AK4: variants seen among roughly 807,000 people sequenced by gnomAD.
The protein encoded by AK4 is adenylate kinase 4, mitochondrial.
In AK4, 13 loss-of-function variants were observed where a neutral mutation model predicts 24.6. The observed-to-expected ratio is 0.53, with a 90% CI of 0.34 to 0.84. AK4 has a LOEUF of 0.84. AK4 is among the 40% of genes least tolerant of loss of function. AK4 has a pLI of 0.01. For missense variants in AK4, 192 were observed against 288.2 expected (o/e 0.67, Z 2.42); for synonymous variants, 88 against 107.0 (o/e 0.82, Z 1.10).
At chr1:65,149,386 C>T (rs1035340657) in intron 1 of AK4, among the ~76,000 whole-genome samples, 1 of 152,212 alleles carries the variant, frequency 6.6e-6, no homozygotes, top group Admixed American at 6.5e-5. Context: ...TCTCCTCCCA[C>T]TCCACGTTCA....
intron 4 of AK4, among the ~76,000 whole-genome samples, chr1:65,225,318 A>G (rs928723386): frequency 6.6e-6 from 1 of 152,146 alleles, no homozygotes; most frequent in Non-Finnish European, 1.5e-5. Context: ...AAAAATTCAA[A>G]TGGCTGCAGG....
chr1:65,212,299 A>C (rs1265140526), intron 2 of AK4, among the ~76,000 whole-genome samples: 1 of 151,262 alleles, frequency 6.6e-6, no homozygotes, highest in South Asian at 2.1e-4. Context: ...ACATTTTAGG[A>C]TTCTTTTTTT....
At chr1:65,148,578 G>C (rs1025347538) in intron 1 of AK4, 26 bp downstream of exon 1, 1 of 1,574,752 alleles carries the variant, frequency 6.4e-7, no homozygotes, top group Non-Finnish European at 8.6e-7. Context: ...GACGAGGGCC[G>C]GGGGCGAGCC....
intron 1 of AK4, among the ~76,000 whole-genome samples, chr1:65,163,683 C>T (rs999690816): frequency 6.6e-6 from 1 of 152,200 alleles, no homozygotes; most frequent in Non-Finnish European, 1.5e-5. Context: ...TTTATCAAGA[C>T]AGGAATTGCA....
chr1:65,201,483 T>C (rs1409963188), intron 2 of AK4, among the ~76,000 whole-genome samples: 3 of 152,236 alleles, frequency 2.0e-5, no homozygotes, highest in Non-Finnish European at 4.4e-5. Context: ...AAAACATATG[T>C]ATACACATAT....
At chr1:65,171,558 G>A (rs1050291201) in intron 1 of AK4, among the ~76,000 whole-genome samples, 3 of 151,724 alleles carry the variant, frequency 2.0e-5, no homozygotes, top group Non-Finnish European at 4.4e-5. Flanking sequence ...GCCCACCTCG[G>A]CCTCCCAAAG....
rs12407926 is a variant in AK4, at chr1:65,183,650, C to T, written c.146-7060C>T. Among the ~76,000 whole-genome samples, 947 of 140,822 alleles carry T rather than the reference C, an allele frequency of 6.7e-3. 10 individuals are homozygous for T. Among genetic ancestry groups the T allele is most frequent in the African/African-American group, 0.023 (869 of 38,394 alleles). 92.4% of individuals were successfully genotyped at this position (140,822 alleles called of 152,430 possible). The stretch of plus-strand genomic sequence containing the variant: ...ATGGATTTTGTGCTATATAAATATC[C>T]GTGTGTGTGTGTGTGTGTGTGTGTG... On this transcript the variant is annotated intron_variant, in intron 1 of 4. Transcript: ENST00000327299.
At chr1:65,152,406 T>A (rs1649828006) in intron 1 of AK4, among the ~76,000 whole-genome samples, 1 of 92,384 alleles carries the variant, frequency 1.1e-5, no homozygotes, top group South Asian at 4.7e-4. Context: ...TTTTTTTTTT[T>A]TTTTTTTTTT....
At chr1:65,160,251 G>C (rs1219333462) in intron 1 of AK4, among the ~76,000 whole-genome samples, 1 of 152,154 alleles carries the variant, frequency 6.6e-6, no homozygotes, top group African/African-American at 2.4e-5. Context: ...ATAAACAACA[G>C]AAATGTATTT....
At chr1:65,203,944 G>T (rs569434244) in intron 2 of AK4, among the ~76,000 whole-genome samples, 98 of 152,276 alleles carry the variant, frequency 6.4e-4, no homozygotes, top group African/African-American at 2.3e-3. Context: ...TAGGGCTAAA[G>T]GGAGAATGAG....
At chr1:65,196,496 C>T (rs913239358) in intron 2 of AK4, among the ~76,000 whole-genome samples, 56 of 152,286 alleles carry the variant, frequency 3.7e-4, no homozygotes, top group African/African-American at 1.2e-3. Context: ...GATGGAGTCT[C>T]TCTCTGTCAC....
intron 1 of AK4, among the ~76,000 whole-genome samples, chr1:65,155,644 C>CT (rs11340935): frequency 4.6e-4 from 67 of 145,054 alleles, no homozygotes; most frequent in Middle Eastern, 3.5e-3. Flanking sequence ...ACTGCTAATA[C>CT]TTTTTTTTTT....
At chr1:65,169,733 A>G (rs1049996863) in intron 1 of AK4, among the ~76,000 whole-genome samples, 8 of 152,342 alleles carry the variant, frequency 5.3e-5, no homozygotes, top group African/African-American at 1.9e-4. Flanking sequence ...CCTGGTCAGG[A>G]TGAGGGTGAA....
intron 1 of AK4, among the ~76,000 whole-genome samples, chr1:65,173,990 A>G (rs1650628182): frequency 1.3e-5 from 2 of 152,086 alleles, no homozygotes; most frequent in Non-Finnish European, 2.9e-5. Flanking sequence ...CCTATCAGCC[A>G]TTCCCCACAC....
At chr1:65,198,612 G>A (rs1242001794) in intron 2 of AK4, among the ~76,000 whole-genome samples, 1 of 152,140 alleles carries the variant, frequency 6.6e-6, no homozygotes, top group Admixed American at 6.5e-5. Context: ...GAGGTAAGTG[G>A]AATGATTTTT....
At chr1:65,161,720 A>C (rs6690851) in intron 1 of AK4, among the ~76,000 whole-genome samples, 2 of 152,168 alleles carry the variant, frequency 1.3e-5, no homozygotes, top group East Asian at 1.9e-4. Flanking sequence ...ATGACGGTTC[A>C]GTTCAACTAA....
chr1:65,173,665 G>C (rs1297904155), intron 1 of AK4, among the ~76,000 whole-genome samples: 1 of 152,070 alleles, frequency 6.6e-6, no homozygotes, highest in Non-Finnish European at 1.5e-5. Flanking sequence ...TCAGGAGTTC[G>C]AGCCTGGGCG....
intron 1 of AK4, among the ~76,000 whole-genome samples, chr1:65,169,175 CAAAA>C (rs577188503): frequency 1.5e-5 from 1 of 64,774 alleles, no homozygotes. Context: ...GACGCTGTCT[CAAAA>C]AAAAAAAAAA....
Position 65,149,392 on chromosome 1 carries a change from G to C in AK4, c.145+840G>C, listed in dbSNP as rs535531747. On this transcript the variant is annotated intron_variant, in intron 1 of 4. Transcript: ENST00000327299. ...CTTTCCCCCTCTCCTCCCACTCCAC[G>C]TTCACACCAGTTCCGAAAGAATTGG... 1.4e-4 allele frequency among the ~76,000 whole-genome samples: 22 copies of C among 152,206 alleles called. 1 individual carries two copies. In the South Asian group the frequency reaches 2.7e-3, roughly 19 times the overall value.
Sources: gnomAD v4.1 joint callset for allele counts (sites outside exome capture counted in the v4.1 genomes callset) on GRCh38, gnomAD v4.1.1 for gene constraint, MANE v1.5 for transcripts, NCBI Gene and HGNC (gene_info 2026-07-23, HGNC 2026-07-21) for gene names.